The following PRKAG2 variants were observed in gnomAD, a reference collection of about 807,000 sequenced individuals.
PRKAG2 encodes the protein protein kinase AMP-activated non-catalytic subunit gamma 2, also known as 5'-AMP-activated protein kinase subunit gamma-2.
Under a neutral mutation model 69.6 loss-of-function variants are expected in PRKAG2, and 26 were observed. The ratio of observed to expected loss-of-function variants is 0.37; its 90% CI spans 0.27 to 0.52. The LOEUF (loss-of-function observed/expected upper bound fraction) is 0.52. Among genes scored for constraint, PRKAG2 ranks in the 20% least tolerant of loss-of-function variants. PRKAG2 has a pLI of 0.90. For missense variants in PRKAG2, 557 were observed against 740.0 expected, an observed-to-expected ratio of 0.75 and a Z score of 2.87; for synonymous variants, 293 against 285.0, an observed-to-expected ratio of 1.03 and a Z score of -0.28.
intron 3 of PRKAG2, among the ~76,000 whole-genome samples, chr7:151,718,684 T>TG (rs1796573980): frequency 6.6e-6 from 1 of 151,432 alleles, no homozygotes; most frequent in African/African-American, 2.4e-5. Context: ...CTGGGGACTC[T>TG]GTGAGCTATT....
At chr7:151,558,940 G>C in intron 15 of PRKAG2, 1 of 985,420 alleles carries the variant, frequency 1.0e-6, no homozygotes. Flanking sequence ...TACTCTTTTT[G>C]TAATGCCCAA....
At chr7:151,608,508 T>C (rs1047657456) in intron 5 of PRKAG2, among the ~76,000 whole-genome samples, 4 of 152,168 alleles carry the variant, frequency 2.6e-5, no homozygotes, top group Non-Finnish European at 5.9e-5. Flanking sequence ...CGTCCCTTGC[T>C]CTTCTCTATA....
chr7:151,710,019 C>T lies in PRKAG2; in HGVS notation c.467-34382G>A, dbSNP rs116460778. ...GAAAAGCATTTACAGTAGAGCCCCA[C>T]GGAGCACTCTCGAGTCTAGAAGGGT... On this transcript the variant is annotated intron_variant, in intron 3 of 15. Coordinates refer to ENST00000287878, the MANE Select transcript of PRKAG2 (RefSeq NM_016203.4). Among the ~76,000 whole-genome samples, 1,362 of 152,252 alleles carry T rather than the reference C, an allele frequency of 8.9e-3. 27 individuals are homozygous for T. The highest frequency in any genetic ancestry group is 0.028 in the African/African-American group (1,155 of 41,530).
chr7:151,811,180 G>A (rs2078402120), intron 1 of PRKAG2, among the ~76,000 whole-genome samples: 1 of 152,266 alleles, frequency 6.6e-6, no homozygotes. Context: ...TGCTCCCACT[G>A]CTTTGGAAGG....
chr7:151,615,577 A>C (rs1388261542), intron 5 of PRKAG2, among the ~76,000 whole-genome samples: 1 of 152,232 alleles, frequency 6.6e-6, no homozygotes, highest in Non-Finnish European at 1.5e-5. Context: ...ATCTAAGTAA[A>C]CTTAAGAGCT....
chr7:151,589,735 G>A (rs1442360652), intron 6 of PRKAG2, among the ~76,000 whole-genome samples: 2 of 152,140 alleles, frequency 1.3e-5, no homozygotes, highest in Non-Finnish European at 2.9e-5. Context: ...GGAGTTTCAG[G>A]CCAGCCTGGC....
chr7:151,632,265 G>T lies in PRKAG2; in HGVS notation c.685-127C>A. 9.6e-7 allele frequency: 1 copy of T among 1,036,606 alleles called. No homozygotes were observed. Among genetic ancestry groups the T allele is most frequent in the Non-Finnish European group, 1.2e-6 (1 of 863,616 alleles). 64.2% of individuals were successfully genotyped at this position (1,036,606 alleles called of 1,614,324 possible). ...CCGCCGGGAGGAGGGGCCTGGCAGG[G>T]GACGCGGGCAGCGGGGGCCGGGGGC... is the stretch of plus-strand genomic sequence containing the variant. On this transcript the variant is annotated intron_variant, in intron 4 of 15. Coordinates refer to ENST00000287878, the MANE Select transcript of PRKAG2 (RefSeq NM_016203.4). The surrounding 1 kb of genome is among the most constrained non-coding windows in gnomAD (Gnocchi z 4.2).
At chr7:151,725,459 C>A (rs7782653) in intron 3 of PRKAG2, among the ~76,000 whole-genome samples, 38,968 of 151,504 alleles carry the variant, frequency 0.26, 5,347 homozygotes, top group East Asian at 0.43. Context: ...AGATGGATGG[C>A]TGGCTGCACA....
intron 3 of PRKAG2, among the ~76,000 whole-genome samples, chr7:151,697,340 A>G (rs1222027075): frequency 6.6e-6 from 1 of 152,138 alleles, no homozygotes; most frequent in South Asian, 2.1e-4. Context: ...GCAAGTGGGC[A>G]TGCTGGGTGC....
At chr7:151,785,234 G>A (rs1445227762) in intron 2 of PRKAG2, among the ~76,000 whole-genome samples, 1 of 152,266 alleles carries the variant, frequency 6.6e-6, no homozygotes, top group African/African-American at 2.4e-5. Flanking sequence ...GGGCCTGGCT[G>A]TGGCCCCTGT....
intron 4 of PRKAG2, among the ~76,000 whole-genome samples, chr7:151,645,219 C>T (rs1460719227): frequency 6.6e-6 from 1 of 152,204 alleles, no homozygotes; most frequent in East Asian, 1.9e-4. Flanking sequence ...TGTCTATATA[C>T]ATAAGACTGT....
At chr7:151,590,042 C>G (rs1439068655) in intron 6 of PRKAG2, among the ~76,000 whole-genome samples, 1 of 152,222 alleles carries the variant, frequency 6.6e-6, no homozygotes, top group Non-Finnish European at 1.5e-5. Context: ...GTGTTGAGCT[C>G]TTTGTCAGTG....
At chr7:151,865,617 C>A (rs1007962733) in intron 1 of PRKAG2, among the ~76,000 whole-genome samples, 1 of 152,154 alleles carries the variant, frequency 6.6e-6, no homozygotes, top group Non-Finnish European at 1.5e-5. Flanking sequence ...GTGACAGAGG[C>A]GCCAGGCAGG....
At chr7:151,722,052 T>C (rs570196589) in intron 3 of PRKAG2, among the ~76,000 whole-genome samples, 8 of 152,324 alleles carry the variant, frequency 5.3e-5, no homozygotes, top group African/African-American at 1.9e-4. Context: ...CTGGCTATTG[T>C]TTCCTGCATG....
At chr7:151,624,018 C>A (rs1261527591) in intron 5 of PRKAG2, among the ~76,000 whole-genome samples, 3 of 152,002 alleles carry the variant, frequency 2.0e-5, no homozygotes, top group Admixed American at 6.6e-5. Context: ...CTGTCAGTTA[C>A]AAATGACCAA....
chr7:151,693,061 G>A (rs1188677950), intron 3 of PRKAG2, among the ~76,000 whole-genome samples: 1 of 152,192 alleles, frequency 6.6e-6, no homozygotes, highest in Non-Finnish European at 1.5e-5. Flanking sequence ...AGCAGAAAGG[G>A]AGATCCCACT....
intron 15 of PRKAG2, chr7:151,558,699 C>T (rs1476698103): frequency 3.0e-6 from 3 of 985,276 alleles, no homozygotes; most frequent in Non-Finnish European, 3.6e-6. Flanking sequence ...ATAAGGAATT[C>T]CAACCCAGCT....
chr7:151,695,454 T>C (rs748732763), intron 3 of PRKAG2, among the ~76,000 whole-genome samples: 6 of 152,058 alleles, frequency 3.9e-5, no homozygotes, highest in Non-Finnish European at 8.8e-5. Context: ...GCATTTGTGA[T>C]GGCCTTTCTG....
intron 5 of PRKAG2, among the ~76,000 whole-genome samples, chr7:151,597,217 T>A (rs931441078): frequency 6.6e-6 from 1 of 152,118 alleles, no homozygotes; most frequent in Admixed American, 6.6e-5. Context: ...AACCTAGATA[T>A]CCACATGCAG....
Sources: allele counts gnomAD v4.1 joint callset (sites outside exome capture counted in the v4.1 genomes callset), GRCh38; gene constraint gnomAD v4.1.1; non-coding constraint Gnocchi (gnomAD v3.1); transcripts MANE v1.5; gene names NCBI Gene and HGNC (gene_info 2026-07-23, HGNC 2026-07-21).